ZMIZ1: variants seen among roughly 807,000 people sequenced by gnomAD.
The protein encoded by ZMIZ1 is zinc finger MIZ domain-containing protein 1.
Under a neutral mutation model 113.9 loss-of-function variants are expected in ZMIZ1, and 17 were observed. That is an observed-to-expected ratio of 0.15 (90% CI 0.10 to 0.22). The LOEUF is 0.22. Among genes scored for constraint, ZMIZ1 ranks in the 10% least tolerant of loss-of-function variants. The pLI, the probability that ZMIZ1 is intolerant of heterozygous loss-of-function variation, is 1.00. For synonymous variants in ZMIZ1, 607 were observed against 603.1 expected, an observed-to-expected ratio of 1.01 and a Z score of -0.09; for missense variants, 1,059 against 1,477.8, an observed-to-expected ratio of 0.72 and a Z score of 4.65.
At chr10:79,284,615 G>A (rs1430194928) in intron 8 of ZMIZ1, among the ~76,000 whole-genome samples, 2 of 152,188 alleles carry the variant, frequency 1.3e-5, no homozygotes, top group African/African-American at 4.8e-5. Flanking sequence ...ACCAGGTTCT[G>A]TGCTAAACTT....
intron 1 of ZMIZ1, among the ~76,000 whole-genome samples, chr10:79,092,340 T>C (rs942457203): frequency 6.6e-6 from 1 of 152,224 alleles, no homozygotes; most frequent in East Asian, 1.9e-4. Context: ...GTTCTCCAGA[T>C]TGGGGGTGAC....
At chr10:79,284,552 C>G (rs1399900533) in intron 8 of ZMIZ1, among the ~76,000 whole-genome samples, 1 of 152,164 alleles carries the variant, frequency 6.6e-6, no homozygotes, top group Non-Finnish European at 1.5e-5. Context: ...CTGTGTATGG[C>G]TGGTTGGAGG....
intron 7 of ZMIZ1, among the ~76,000 whole-genome samples, chr10:79,269,513 T>C (rs1350540548): frequency 6.7e-6 from 1 of 148,948 alleles, no homozygotes; most frequent in Non-Finnish European, 1.5e-5. Flanking sequence ...CCAGCAGCCT[T>C]TTAGCTGCTA....
chr10:79,138,251 G>A lies in ZMIZ1; in HGVS notation c.-226-1431G>A, dbSNP rs561888106. On this transcript the variant is annotated intron_variant, in intron 2 of 24. Transcript: ENST00000334512. ...TGCAAGGCCCCCAGGAGCCCACAGG[G>A]TCAGAGCGCCAAGAGCATAGGTTGT... Among the ~76,000 whole-genome samples, 7 of 152,344 alleles carry A rather than the reference G, an allele frequency of 4.6e-5. No individual in the cohort carries two copies. In the South Asian group the frequency reaches 1.4e-3, roughly 32 times the overall value.
chr10:79,135,212 G>A (rs1263918269), intron 2 of ZMIZ1, among the ~76,000 whole-genome samples: 2 of 152,230 alleles, frequency 1.3e-5, no homozygotes, highest in South Asian at 2.1e-4. Flanking sequence ...AGGAGGGTCT[G>A]AGAAGACCAG....
At chr10:79,165,974 G>GTCTGGGCTCTTCCTGCAGCTCAGC (rs1564692828) in intron 4 of ZMIZ1, among the ~76,000 whole-genome samples, 9 of 136,950 alleles carry the variant, frequency 6.6e-5, no homozygotes, top group Admixed American at 1.4e-4. Context: ...GTGTGTGTGT[G>GTCTGGGCTCTTCCTGCAGCTCAGC]TGTGTGTGTG....
At chr10:79,203,382 C>T (rs1246250414) in intron 5 of ZMIZ1, among the ~76,000 whole-genome samples, 2 of 152,196 alleles carry the variant, frequency 1.3e-5, no homozygotes, top group Non-Finnish European at 2.9e-5. Context: ...GCCAATTACA[C>T]GCCTCTGTTC....
chr10:79,272,976 A>G (rs925952403), intron 7 of ZMIZ1, among the ~76,000 whole-genome samples: 2 of 152,170 alleles, frequency 1.3e-5, no homozygotes, highest in African/African-American at 2.4e-5. Context: ...AGAGGATGAC[A>G]GGGGATGGGG....
rs1447101334 is a variant in ZMIZ1, at chr10:79,312,919, G to T, written c.*170G>T. ...CCCTCTCAGAACAGAGGGGTAGGGA[G>T]GGTGCACCAGTGCACCAGGAAGGCT... On this transcript the variant is annotated 3_prime_UTR_variant, in exon 25 of 25. Coordinates refer to ENST00000334512, the MANE Select transcript of ZMIZ1 (RefSeq NM_020338.4). The T allele has an allele frequency of 4.8e-6, 3 of 622,160 alleles. No individual in the cohort carries two copies. Among genetic ancestry groups the T allele is most frequent in the African/African-American group, 3.7e-5 (2 of 53,884 alleles). The allele number at this position is 622,160 out of a possible 1,614,324, so 38.5% of individuals were successfully genotyped here. A position where few individuals can be genotyped will look rare whatever the true frequency, so the allele number is the denominator to read the frequency against.
At chr10:79,243,467 C>A (rs2132845757) in intron 7 of ZMIZ1, among the ~76,000 whole-genome samples, 1 of 148,468 alleles carries the variant, frequency 6.7e-6, no homozygotes, top group Admixed American at 6.7e-5. Flanking sequence ...ACGGCGGCGG[C>A]GGTGGCGGGC....
intron 6 of ZMIZ1, among the ~76,000 whole-genome samples, chr10:79,209,302 G>A (rs1277440627): frequency 6.6e-6 from 1 of 152,222 alleles, no homozygotes; most frequent in Non-Finnish European, 1.5e-5. Flanking sequence ...GAAGGGTCGA[G>A]GCTGCAAGCT....
intron 1 of ZMIZ1, among the ~76,000 whole-genome samples, chr10:79,075,563 A>T (rs1320115703): frequency 6.7e-6 from 1 of 149,946 alleles, no homozygotes; most frequent in Admixed American, 6.6e-5. Context: ...ACAGCTGCAC[A>T]CACATGCACA....
Position 79,282,914 on chromosome 10 carries a change from C to T in ZMIZ1, c.425+5589C>T, listed in dbSNP as rs148035012. On this transcript the variant is annotated intron_variant, in intron 8 of 24. Coordinates refer to ENST00000334512, the MANE Select transcript of ZMIZ1 (RefSeq NM_020338.4). ...CAGAGAGGCCTGGCAAGGTCCAGGA[C>T]CAGTGCCTGGGCAAGTAGGGCACCT... Among the ~76,000 whole-genome samples, 305 of 152,316 alleles carry T rather than the reference C, an allele frequency of 2.0e-3. 3 individuals are homozygous for T. The highest frequency in any genetic ancestry group is 7.0e-3 in the African/African-American group (291 of 41,564).
intron 4 of ZMIZ1, among the ~76,000 whole-genome samples, chr10:79,201,071 C>A (rs2802369): frequency 0.36 from 54,638 of 151,964 alleles, 10,980 homozygotes; most frequent in Non-Finnish European, 0.47. Context: ...ACTTTGGGAG[C>A]CTGAGGTGGG....
intron 3 of ZMIZ1, among the ~76,000 whole-genome samples, chr10:79,148,026 C>A (rs1232759888): frequency 6.6e-6 from 1 of 152,186 alleles, no homozygotes; most frequent in African/African-American, 2.4e-5. Flanking sequence ...TAGATGACAC[C>A]ATCTCTGGGG....
chr10:79,173,215 C>T (rs1044561504), intron 4 of ZMIZ1, among the ~76,000 whole-genome samples: 8 of 152,184 alleles, frequency 5.3e-5, no homozygotes, highest in East Asian at 1.9e-4. Flanking sequence ...ATGGGCCACA[C>T]GTGGCTCAGG....
intron 4 of ZMIZ1, among the ~76,000 whole-genome samples, chr10:79,164,326 G>C (rs1242240425): frequency 6.6e-6 from 1 of 152,256 alleles, no homozygotes; most frequent in Non-Finnish European, 1.5e-5. Context: ...AAACTGAAAA[G>C]AACATTGAAT....
intron 4 of ZMIZ1, among the ~76,000 whole-genome samples, chr10:79,186,906 C>T (rs569524917): frequency 3.9e-5 from 6 of 152,246 alleles, no homozygotes; most frequent in Admixed American, 6.5e-5. Flanking sequence ...TCTTAACCAT[C>T]TGCCCAGCCA....
At chr10:79,163,829 G>A (rs990033114) in intron 4 of ZMIZ1, among the ~76,000 whole-genome samples, 1 of 152,120 alleles carries the variant, frequency 6.6e-6, no homozygotes, top group Non-Finnish European at 1.5e-5. Context: ...TGCCTCTCCC[G>A]ATGGGGCCTG....
Sources: allele counts gnomAD v4.1 joint callset (sites outside exome capture counted in the v4.1 genomes callset), GRCh38; gene constraint gnomAD v4.1.1; transcripts MANE v1.5; gene names NCBI Gene and HGNC (gene_info 2026-07-23, HGNC 2026-07-21).